Variants in PLOD3 observed in about 807,000 individuals in gnomAD.
The protein encoded by PLOD3 is multifunctional procollagen lysine hydroxylase and glycosyltransferase LH3.
PLOD3 carries 73 observed loss-of-function variants against 96.9 expected under a neutral mutation model. The ratio of observed to expected loss-of-function variants is 0.75; its 90% CI spans 0.62 to 0.92. The LOEUF is 0.92. PLOD3 is among the 40% of genes least tolerant of loss of function. The probability of loss-of-function intolerance (pLI) is 0.00; values close to 1 mark genes in which losing one functional copy is unlikely to be tolerated. For missense variants in PLOD3, 1,004 were observed against 1,004.3 expected, an observed-to-expected ratio of 1.00 and a Z score of 0.00; for synonymous variants, 454 against 413.7, an observed-to-expected ratio of 1.10 and a Z score of -1.18.
chr7:101,213,327 G>C, intron 6 of PLOD3, 123 bp from the exon 7 acceptor site: 2 of 741,968 alleles, frequency 2.7e-6, no homozygotes, highest in Non-Finnish European at 4.8e-6. Context: ...CTATCCTGGA[G>C]TGTGGCTCGT....
chr7:101,207,123 C>A (rs1285614667), intron 17 of PLOD3, among the ~76,000 whole-genome samples: 2 of 152,024 alleles, frequency 1.3e-5, no homozygotes, highest in African/African-American at 4.8e-5. Flanking sequence ...TTATAGGCAC[C>A]TGCCACCACA....
intron 17 of PLOD3, 73 bp downstream of exon 17, chr7:101,207,505 G>C (rs1318769708): frequency 2.7e-6 from 4 of 1,500,598 alleles, no homozygotes; most frequent in African/African-American, 2.7e-5. Context: ...GCCGAAAGGG[G>C]TCTGCGTGGA....
intron 9 of PLOD3, 72 bp downstream of exon 9, chr7:101,212,458 G>T: frequency 1.3e-6 from 2 of 1,569,218 alleles, no homozygotes; most frequent in Non-Finnish European, 8.8e-7. Context: ...GGAGATGGGG[G>T]TGGGGGCACG....
rs368065819 is a variant in PLOD3 at position 101,211,902 on chromosome 7, G to A, written c.1176C>T (p.Asp392=). 18 of 1,611,968 alleles carry A rather than the reference G, an allele frequency of 1.1e-5. No homozygotes were observed. Among genetic ancestry groups the A allele is most frequent in the African/African-American group, 1.3e-5 (1 of 74,884 alleles). The change falls in exon 11 of 19, where the codon GAC becomes GAT. Residue 392 remains aspartate (D), a synonymous_variant. Coordinates refer to ENST00000223127, the MANE Select transcript of PLOD3 (RefSeq NM_001084.5). ...GCAGGTTGGTGAGGACAGCGTCGGC[G>A]TCCAGGCTGAAGTAGAACTCACACT... ...DPECEFYFSL[D]ADAVLTNLQT... is the part of the protein sequence containing the mutation.
intron 12 of PLOD3, 86 bp from the exon 13 acceptor site, chr7:101,210,759 G>C: frequency 1.3e-6 from 2 of 1,489,012 alleles, no homozygotes; most frequent in South Asian, 2.3e-5. Context: ...CTTCCCTCAG[G>C]GTATCCCAGT....
At chr7:101,212,485 C>A in intron 9 of PLOD3, 45 bp downstream of exon 9, 4 of 1,608,112 alleles carry the variant, frequency 2.5e-6, no homozygotes, top group Non-Finnish European at 2.6e-6. Context: ...CTGATCAGGG[C>A]AGGGAAAGGG....
At chr7:101,211,445 T>C (rs1433981515) in intron 12 of PLOD3, 146 bp downstream of exon 12, 2 of 761,346 alleles carry the variant, frequency 2.6e-6, no homozygotes, top group Admixed American at 2.7e-5. Flanking sequence ...CCTCCCAAAG[T>C]GGTGGCATCA....
At position 101,209,892 on chromosome 7, in the gene PLOD3, T is replaced by C. The variant is rs1468358; in HGVS notation, c.1683+201A>G. The C allele has an allele frequency of 0.35, 199,688 of 574,578 alleles. 37,463 individuals are homozygous for C. Among genetic ancestry groups the C allele is most frequent in the African/African-American group, 0.56 (30,101 of 53,598 alleles). The allele number at this position is 574,578 out of a possible 1,614,324, so 35.6% of individuals were successfully genotyped here. ...AAGCATAACACCAGTATACCCAATA[T>C]ACAGGAGAAGAGGCTGTCTGATCAA... On this transcript the variant is annotated intron_variant, in intron 15 of 18. Coordinates refer to ENST00000223127, the MANE Select transcript of PLOD3 (RefSeq NM_001084.5).
In PLOD3 at chr7:101,206,031, T is replaced by C. The variant is rs924769390; in HGVS notation, c.*250A>G. The C allele has an allele frequency of 6.8e-6, 4 of 585,792 alleles. No individual in the cohort carries two copies. The highest frequency in any genetic ancestry group is 1.2e-5 in the Non-Finnish European group (4 of 328,204). 36.3% of individuals were successfully genotyped at this position (585,792 alleles called of 1,614,324 possible). On this transcript the variant is annotated 3_prime_UTR_variant, in exon 19 of 19. Coordinates refer to ENST00000223127, the MANE Select transcript of PLOD3 (RefSeq NM_001084.5). ...AGTGAGACTGCGGAACATTAATAAT[T>C]TATCACGCGGGGAGTCCCCAGAAGC... is the stretch of plus-strand genomic sequence containing the variant.
chr7:101,216,242 C>T lies in PLOD3; in HGVS notation c.423G>A (p.Glu141=). The T allele has an allele frequency of 1.9e-6, 3 of 1,613,834 alleles. No individual in the cohort carries two copies. The highest frequency in any genetic ancestry group is 2.5e-6 in the Non-Finnish European group (3 of 1,180,024). ...QSGSRLLFSA[E]SFCWPEWGLA... is the part of the protein sequence containing the mutation. Reference sequence around the variant, plus strand: ...GCCCCCACTCGGGCCAGCAGAAGCTCTCTGCAGAGAAGAGCAGGCGGCTGC... The same window carrying T: ...GCCCCCACTCGGGCCAGCAGAAGCTTTCTGCAGAGAAGAGCAGGCGGCTGC... Residue 141 remains glutamate (E), a synonymous_variant, in exon 4 of 19, where the codon GAG becomes GAA. Transcript: ENST00000223127.
At chr7:101,210,199 C>A (rs558805995) in intron 14 of PLOD3, 38 bp from the exon 15 acceptor site, 1 of 1,540,704 alleles carries the variant, frequency 6.5e-7, no homozygotes, top group Non-Finnish European at 8.9e-7. Context: ...TCTGTGCCCC[C>A]CTCGCTCCCA....
rs968720428 is a variant in PLOD3, at chr7:101,213,279, G to A, written c.680-75C>T. 16 of 974,454 alleles carry A rather than the reference G, an allele frequency of 1.6e-5. No individual in the cohort carries two copies. In the African/African-American group the frequency reaches 2.4e-4, roughly 15 times the overall value. 60.4% of individuals were successfully genotyped at this position (974,454 alleles called of 1,614,324 possible). The stretch of plus-strand genomic sequence containing the variant: ...CAAGCAACACATTCTTCTAAATATG[G>A]GGTCCCAAATTCTCCAGGGAATAAA... On this transcript the variant is annotated intron_variant, in intron 6 of 18. Coordinates refer to ENST00000223127, the MANE Select transcript of PLOD3 (RefSeq NM_001084.5).
chr7:101,207,466 A>G, intron 17 of PLOD3, 112 bp downstream of exon 17: 1 of 1,180,324 alleles, frequency 8.5e-7, no homozygotes, highest in Non-Finnish European at 1.2e-6. Context: ...CCTGGGAACT[A>G]AAATGCATGG....
Position 101,217,223 on chromosome 7 carries a change from G to C in PLOD3, c.52C>G (p.Leu18Val), listed in dbSNP as rs1037202147. ...PRFLLLLPLL[L>V]PPAASASDRP... ...TCGGAGGCTGAGGCCGCAGGGGGCA[G>C]CAGCAGCGGCAGCAGCAGCAGGAAC... The change falls in exon 1 of 19, where the codon CTG (leucine) becomes GTG (valine). Residue 18 changes from leucine (L) to valine (V), a missense_variant. This residue lies in a region of PLOD3 where 690 missense variants were observed against 650.2 expected (regional missense o/e 1.06). Coordinates refer to ENST00000223127, the MANE Select transcript of PLOD3 (RefSeq NM_001084.5). The C allele has an allele frequency of 1.3e-5, 20 of 1,497,734 alleles. No homozygotes were observed. The African/African-American group carries it at 2.1e-4, about 16-fold the overall frequency. 92.8% of individuals were successfully genotyped at this position (1,497,734 alleles called of 1,614,324 possible).
chr7:101,210,033 G>A, intron 15 of PLOD3, 60 bp downstream of exon 15: 1 of 820,306 alleles, frequency 1.2e-6, no homozygotes. Context: ...CCAGGCGGGG[G>A]CCCCCAAGAG....
intron 17 of PLOD3, 92 bp from the exon 18 acceptor site, chr7:101,206,996 G>T: frequency 7.1e-7 from 1 of 1,415,654 alleles, no homozygotes; most frequent in Non-Finnish European, 9.5e-7. Context: ...AGATAGTCTC[G>T]CTCTGTCACT....
chr7:101,210,692 C>T lies in PLOD3; in HGVS notation c.1359-19G>A, dbSNP rs370318396. 9.9e-5 allele frequency: 159 copies of T among 1,612,896 alleles called. No individual in the cohort carries two copies. Among genetic ancestry groups the T allele is most frequent in the Non-Finnish European group, 1.2e-4 (143 of 1,179,608 alleles). ...CACACCCCTGGAGGCACCGACACCG[C>T]GGTCAGCTGGGAGGACAGCCCCCCA... On this transcript the variant is annotated intron_variant, in intron 12 of 18. Transcript: ENST00000223127.
At chr7:101,207,884 G>A (rs927257010) in intron 16 of PLOD3, among the ~76,000 whole-genome samples, 160 bp from the exon 17 acceptor site, 7 of 152,180 alleles carry the variant, frequency 4.6e-5, no homozygotes, top group South Asian at 2.1e-4. Flanking sequence ...CACTGCTCCC[G>A]GCCCTTCAAG....
At position 101,217,216 on chromosome 7, in the gene PLOD3, G is replaced by C. The variant is rs1465079933; in HGVS notation, c.59C>G (p.Pro20Arg). The C allele has an allele frequency of 6.7e-7, 1 of 1,500,046 alleles. No homozygotes were observed. Among genetic ancestry groups the C allele is most frequent in the Non-Finnish European group, 8.9e-7 (1 of 1,126,522 alleles). 92.9% of individuals were successfully genotyped at this position (1,500,046 alleles called of 1,614,324 possible). Residue 20 changes from proline to arginine, a missense_variant, in exon 1 of 19, where the codon CCT becomes CGT. Coordinates refer to ENST00000223127, the MANE Select transcript of PLOD3 (RefSeq NM_001084.5). Reference protein sequence around the residue: ...FLLLLPLLLPPAASASDRPRG... With the variant: ...FLLLLPLLLPRAASASDRPRG... ...GGGCCGGTCGGAGGCTGAGGCCGCA[G>C]GGGGCAGCAGCAGCGGCAGCAGCAG...
Sources: allele counts gnomAD v4.1 joint callset (sites outside exome capture counted in the v4.1 genomes callset), GRCh38; gene constraint gnomAD v4.1.1; regional missense constraint gnomAD v4.1.1; transcripts MANE v1.5; gene names NCBI Gene and HGNC (gene_info 2026-07-23, HGNC 2026-07-21).